LRMDA: variants seen among roughly 807,000 people sequenced by gnomAD.
The protein encoded by LRMDA is leucine rich melanocyte differentiation associated, also known as leucine-rich melanocyte differentiation-associated protein.
LRMDA carries 18 observed loss-of-function variants against 29.8 expected under a neutral mutation model. The observed-to-expected ratio is 0.60, with a 90% confidence interval of 0.42 to 0.90. LRMDA has a LOEUF of 0.90. Ranked by LOEUF, LRMDA falls within the 40% of genes least tolerant of loss-of-function variation. LRMDA has a pLI of 0.00. For missense variants in LRMDA, 273 were observed against 273.9 expected (o/e 1.00, Z 0.02); for synonymous variants, 125 against 109.4 (o/e 1.14, Z -0.89).
At chr10:75,795,031 A>T (rs1339132598) in intron 2 of LRMDA, among the ~76,000 whole-genome samples, 1 of 150,482 alleles carries the variant, frequency 6.6e-6, no homozygotes, top group Non-Finnish European at 1.5e-5. Context: ...TCTTTTTATT[A>T]CCTTGAGTTT....
At chr10:75,965,050 G>A (rs1271387) in intron 2 of LRMDA, among the ~76,000 whole-genome samples, 3 of 152,196 alleles carry the variant, frequency 2.0e-5, no homozygotes, top group Admixed American at 6.5e-5. Context: ...ACAGGTGTGA[G>A]CCACTACACC....
intron 2 of LRMDA, among the ~76,000 whole-genome samples, chr10:75,859,206 G>A (rs1021978236): frequency 6.6e-6 from 1 of 152,170 alleles, no homozygotes; most frequent in Non-Finnish European, 1.5e-5. Context: ...ATATGTACAG[G>A]TGTTTCTCTT....
intron 5 of LRMDA, among the ~76,000 whole-genome samples, chr10:76,237,405 T>C (rs2132279563): frequency 6.6e-6 from 1 of 152,312 alleles, no homozygotes; most frequent in African/African-American, 2.4e-5. Context: ...GATGAGGAAC[T>C]GAGGCCCAGA....
At chr10:75,918,139 C>T (rs981645359) in intron 2 of LRMDA, among the ~76,000 whole-genome samples, 2 of 152,322 alleles carry the variant, frequency 1.3e-5, no homozygotes, top group African/African-American at 4.8e-5. Flanking sequence ...ATTAAGCATT[C>T]AGAGCAGTGT....
rs184094365 is a variant in LRMDA at position 76,049,631 on chromosome 10, G to A, written c.398+2328G>A. On this transcript the variant is annotated intron_variant, in intron 4 of 6. Transcript: ENST00000611255. Reference sequence around the variant, plus strand: ...CATTCTATGGTCTGTAAGCAGATCCGCTTTGTCCTTCCTCGAGTTTGTGCT... The same window carrying A: ...CATTCTATGGTCTGTAAGCAGATCCACTTTGTCCTTCCTCGAGTTTGTGCT... Among the ~76,000 whole-genome samples, 15 of 152,266 alleles carry A rather than the reference G, an allele frequency of 9.9e-5. No individual in the cohort carries two copies. The East Asian group carries it at 2.3e-3, about 23-fold the overall frequency.
intron 5 of LRMDA, among the ~76,000 whole-genome samples, chr10:76,149,422 C>T (rs1472234125): frequency 6.6e-6 from 1 of 152,134 alleles, no homozygotes; most frequent in South Asian, 2.1e-4. Context: ...TTCAGTGTTT[C>T]CATTTCCTCA....
At chr10:75,522,348 A>G (rs1845371605) in intron 2 of LRMDA, among the ~76,000 whole-genome samples, 1 of 152,242 alleles carries the variant, frequency 6.6e-6, no homozygotes, top group Non-Finnish European at 1.5e-5. Context: ...CATCTGGTAT[A>G]GGGGTTGCAA....
chr10:76,350,321 T>G (rs1254627365), intron 6 of LRMDA, among the ~76,000 whole-genome samples: 1 of 152,194 alleles, frequency 6.6e-6, no homozygotes, highest in Non-Finnish European at 1.5e-5. Context: ...CAAGCAAGTC[T>G]TGCATGATAA....
At chr10:76,040,684 A>G (rs1443359625) in intron 3 of LRMDA, among the ~76,000 whole-genome samples, 2 of 152,192 alleles carry the variant, frequency 1.3e-5, no homozygotes, top group Admixed American at 1.3e-4. Flanking sequence ...TGTCTGAATA[A>G]TCAACCCCAA....
chr10:76,212,557 G>C (rs557174943), intron 5 of LRMDA, among the ~76,000 whole-genome samples: 5 of 152,134 alleles, frequency 3.3e-5, no homozygotes, highest in Non-Finnish European at 7.4e-5. Context: ...TTGCAAACAA[G>C]AAAGAGATAA....
At chr10:75,976,105 T>C in intron 2 of LRMDA, among the ~76,000 whole-genome samples, 1 of 152,246 alleles carries the variant, frequency 6.6e-6, no homozygotes, top group African/African-American at 2.4e-5. Flanking sequence ...TGGTGTAAAA[T>C]CCAAAGTCCT....
chr10:76,058,747 G>T lies in LRMDA; in HGVS notation c.480G>T (p.Leu160Phe), dbSNP rs188514106. 5.5e-4 allele frequency: 890 copies of T among 1,614,132 alleles called. 9 individuals carry two copies. In the East Asian group the frequency reaches 0.016, roughly 29 times the overall value. ...CCAGACAAGAACGAGAGGAGGCGTT[G>T]GTCAGAGGAGTCTTCATGAAGGTGG... ...KVTRQEREEA[L>F]VRGVFMKVVK... Residue 160 changes from leucine to phenylalanine, a missense_variant, in exon 5 of 7, where the codon TTG (leucine) becomes TTT (phenylalanine). Coordinates refer to ENST00000611255, the MANE Select transcript of LRMDA (RefSeq NM_001305581.2).
chr10:76,464,997 A>T (rs1842550520), intron 6 of LRMDA: 1 of 152,238 alleles, frequency 6.6e-6, no homozygotes, highest in African/African-American at 2.4e-5. Context: ...CAGAAGAAGC[A>T]GACCGCACTG....
chr10:75,531,663 G>T (rs1404627778), intron 2 of LRMDA, among the ~76,000 whole-genome samples: 9 of 152,162 alleles, frequency 5.9e-5, no homozygotes, highest in Non-Finnish European at 2.9e-5. Flanking sequence ...TCTGGACAGG[G>T]TCTTTTAATC....
At chr10:76,268,711 G>A (rs573034563) in intron 5 of LRMDA, among the ~76,000 whole-genome samples, 4 of 152,298 alleles carry the variant, frequency 2.6e-5, no homozygotes, top group South Asian at 2.1e-4. Flanking sequence ...TTACGGGGAT[G>A]TAGGCTTGTC....
intron 6 of LRMDA, among the ~76,000 whole-genome samples, chr10:76,516,479 T>A (rs1174438339): frequency 1.3e-5 from 2 of 152,140 alleles, no homozygotes; most frequent in Non-Finnish European, 2.9e-5. Context: ...TATCTCCTAA[T>A]GCTATCCCTC....
At chr10:76,486,072 G>A (rs945783769) in intron 6 of LRMDA, among the ~76,000 whole-genome samples, 2 of 151,756 alleles carry the variant, frequency 1.3e-5, no homozygotes, top group Non-Finnish European at 2.9e-5. Flanking sequence ...AGAGTTTTTG[G>A]TTACAGATAT....
chr10:76,399,423 A>G (rs1215668945), intron 6 of LRMDA, among the ~76,000 whole-genome samples: 1 of 152,214 alleles, frequency 6.6e-6, no homozygotes, highest in African/African-American at 2.4e-5. Context: ...TAGAATTCCC[A>G]CAAGAAGAGA....
intron 6 of LRMDA, among the ~76,000 whole-genome samples, chr10:76,554,146 T>TGGGGAGAGATGTTCTGCAGGGGC (rs1220860516): frequency 6.6e-6 from 1 of 152,148 alleles, no homozygotes; most frequent in Non-Finnish European, 1.5e-5. Context: ...TAATGATGTC[T>TGGGGAGAGATGTTCTGCAGGGGC]GGGGAGAGAT....
Sources: allele counts gnomAD v4.1 joint callset (sites outside exome capture counted in the v4.1 genomes callset), GRCh38; gene constraint gnomAD v4.1.1; transcripts MANE v1.5; gene names NCBI Gene and HGNC (gene_info 2026-07-23, HGNC 2026-07-21).